The following RGS12 variants were observed in gnomAD, a reference collection of about 807,000 sequenced individuals.
The protein encoded by RGS12 is regulator of G protein signaling 12, also known as regulator of G-protein signaling 12.
RGS12 carries 66 observed loss-of-function variants against 120.1 expected under a neutral mutation model. That is an observed-to-expected ratio of 0.55 (90% CI 0.45 to 0.67). The LOEUF is 0.67. Among genes scored for constraint, RGS12 ranks in the 30% least tolerant of loss-of-function variants. The probability of loss-of-function intolerance (pLI) is 0.00; values close to 1 mark genes in which losing one functional copy is unlikely to be tolerated. For synonymous variants in RGS12, 827 were observed against 804.7 expected, an observed-to-expected ratio of 1.03 and a Z score of -0.47; for missense variants, 1,859 against 1,957.7, an observed-to-expected ratio of 0.95 and a Z score of 0.95.
intron 4 of RGS12, among the ~76,000 whole-genome samples, chr4:3,398,196 T>G (rs1720233676): frequency 6.6e-6 from 1 of 152,172 alleles, no homozygotes; most frequent in African/African-American, 2.4e-5. Flanking sequence ...GTGAATAAAA[T>G]TATTTAGAGG....
intron 3 of RGS12, chr4:3,370,105 C>G: frequency 1.5e-6 from 2 of 1,377,722 alleles, no homozygotes; most frequent in Admixed American, 2.8e-5. Context: ...GTCTGAAACC[C>G]TGGCAAGCCA....
intron 4 of RGS12, among the ~76,000 whole-genome samples, chr4:3,397,356 A>G (rs1720139745): frequency 1.3e-5 from 2 of 152,240 alleles, no homozygotes; most frequent in Non-Finnish European, 2.9e-5. Flanking sequence ...TGTGGTCAGG[A>G]TGGCCGAGCA....
chr4:3,425,641 G>C (rs2109189734), intron 14 of RGS12, 81 bp downstream of exon 14: 1 of 940,354 alleles, frequency 1.1e-6, no homozygotes, highest in Admixed American at 2.1e-5. Flanking sequence ...CGGTGCAGGG[G>C]AGGGGGTGAG....
rs949433287 is a variant in RGS12 at position 3,428,183 on chromosome 4, C to G, written c.3411+14C>G. ...CACTCGGCTACGGTAATTCCCCACC[C>G]TGGCCCACCCTGTGCCCTGCTCCTC... On this transcript the variant is annotated intron_variant, in intron 15 of 17. Coordinates refer to ENST00000336727, the MANE Select transcript of RGS12 (RefSeq NM_001394154.1). The G allele has an allele frequency of 3.1e-6, 5 of 1,610,092 alleles. No individual in the cohort carries two copies. In the Admixed American group the frequency reaches 5.0e-5, roughly 16 times the overall value.
At chr4:3,337,290 A>C (rs1712582093) in intron 2 of RGS12, among the ~76,000 whole-genome samples, 1 of 152,214 alleles carries the variant, frequency 6.6e-6, no homozygotes, top group Admixed American at 6.5e-5. Context: ...TGCCGCACCC[A>C]CCATGGGAAA....
In RGS12 at chr4:3,370,044, G is replaced by A. The variant is rs1232627214; in HGVS notation, c.1999-16372G>A. The A allele has an allele frequency of 7.1e-6, 9 of 1,265,846 alleles. No homozygotes were observed. In the African/African-American group the frequency reaches 7.6e-5, roughly 11 times the overall value. 78.4% of individuals were successfully genotyped at this position (1,265,846 alleles called of 1,614,324 possible). ...AATAGTTTAAAAATGATCTCACAGC[G>A]TGATTTATGTAAACGGCGCTTCTTT... is the stretch of plus-strand genomic sequence containing the variant. On this transcript the variant is annotated intron_variant, in intron 3 of 17. Transcript: ENST00000336727.
intron 3 of RGS12, 178 bp downstream of exon 3, chr4:3,343,231 C>T (rs1713433602): frequency 5.3e-6 from 3 of 566,280 alleles, no homozygotes; most frequent in Non-Finnish European, 9.5e-6. Flanking sequence ...ACCTTTCTAC[C>T]CTGCAATGTG....
At chr4:3,419,957 G>T (rs1440541317) in intron 9 of RGS12, among the ~76,000 whole-genome samples, 2 of 152,200 alleles carry the variant, frequency 1.3e-5, no homozygotes. Flanking sequence ...AGGCCAGTAG[G>T]TCTGGGAGCT....
intron 3 of RGS12, among the ~76,000 whole-genome samples, chr4:3,344,408 C>G (rs1004300451): frequency 3.9e-5 from 6 of 152,242 alleles, no homozygotes; most frequent in African/African-American, 1.4e-4. Context: ...CTGAGGACCC[C>G]GGGACCATTT....
chr4:3,399,718 C>G (rs541176969), intron 4 of RGS12, among the ~76,000 whole-genome samples: 1 of 152,330 alleles, frequency 6.6e-6, no homozygotes, highest in East Asian at 1.9e-4. Flanking sequence ...GCACCATGCC[C>G]AAACCAATAT....
At chr4:3,392,199 C>T (rs920967122) in intron 4 of RGS12, among the ~76,000 whole-genome samples, 5 of 152,138 alleles carry the variant, frequency 3.3e-5, no homozygotes, top group African/African-American at 7.2e-5. Flanking sequence ...TGAGGAAGAT[C>T]CTTCCCCTAC....
chr4:3,357,672 A>G (rs915351044), intron 3 of RGS12, among the ~76,000 whole-genome samples: 2 of 152,068 alleles, frequency 1.3e-5, no homozygotes, highest in Admixed American at 6.5e-5. Context: ...TGATTTGACT[A>G]TTTATGTAAG....
intron 2 of RGS12, chr4:3,342,307 C>T: frequency 2.5e-6 from 2 of 795,510 alleles, no homozygotes; most frequent in Non-Finnish European, 3.2e-6. Flanking sequence ...GCCAGCTTCT[C>T]ATCTGGGGAA....
chr4:3,369,965 ACTGAGAAATTACC>A, intron 3 of RGS12: 1 of 1,150,882 alleles, frequency 8.7e-7, no homozygotes, highest in Non-Finnish European at 1.1e-6. Context: ...TGTTTTACTG[ACTGAGAAATTACC>A]CCTGTCGGCC....
intron 15 of RGS12, 194 bp from the exon 16 acceptor site, chr4:3,428,364 C>T: frequency 1.3e-6 from 1 of 777,492 alleles, no homozygotes; most frequent in Non-Finnish European, 2.2e-6. Flanking sequence ...TTCTTTTCTT[C>T]TGAGGTGGGA....
At chr4:3,321,809 G>A (rs187262962) in intron 2 of RGS12, among the ~76,000 whole-genome samples, 5 of 152,340 alleles carry the variant, frequency 3.3e-5, no homozygotes, top group African/African-American at 1.2e-4. Context: ...TTAGGCACTC[G>A]CCCTTAGCCC....
intron 4 of RGS12, among the ~76,000 whole-genome samples, chr4:3,404,399 T>C (rs1720899904): frequency 6.6e-6 from 1 of 152,240 alleles, no homozygotes; most frequent in East Asian, 1.9e-4. Context: ...AAAATCACTT[T>C]GGTGATCAAG....
rs201004139 is a variant in RGS12 at position 3,417,499 on chromosome 4, G to A, written c.2719G>A (p.Gly907Arg). The A allele has an allele frequency of 2.2e-5, 36 of 1,613,318 alleles. No individual in the cohort carries two copies. The highest frequency in any genetic ancestry group is 1.7e-4 in the Middle Eastern group (1 of 6,060). ...FFSWSRTRST[G>R]RSQKKREHGD... ...CTCGTGGTCGCGGACCAGGAGCACC[G>A]GGAGGTCCCAGAAAAAGAGGGAGCA... is the stretch of plus-strand genomic sequence containing the variant. The change falls in exon 9 of 18, where the codon GGG becomes AGG. Residue 907 changes from glycine to arginine, a missense_variant. Transcript: ENST00000336727.
intron 4 of RGS12, chr4:3,413,806 G>A: frequency 2.2e-6 from 1 of 456,628 alleles, no homozygotes; most frequent in Non-Finnish European, 4.0e-6. Context: ...TGCTGTGTGG[G>A]CCTGCACATG....
Sources: gnomAD v4.1 joint callset for allele counts (sites outside exome capture counted in the v4.1 genomes callset) on GRCh38, gnomAD v4.1.1 for gene constraint, MANE v1.5 for transcripts, NCBI Gene and HGNC (gene_info 2026-07-23, HGNC 2026-07-21) for gene names.